NADK2: variants seen among roughly 807,000 people sequenced by gnomAD.
NADK2 encodes the protein NAD kinase domain-containing protein 1, mitochondrial.
A neutral mutation model predicts 62.1 loss-of-function variants in NADK2; 35 were observed. That is an observed-to-expected ratio of 0.56 (90% CI 0.43 to 0.75). The LOEUF (loss-of-function observed/expected upper bound fraction) is 0.75. Ranked by LOEUF, NADK2 falls within the 30% of genes least tolerant of loss-of-function variation. The probability of loss-of-function intolerance (pLI) is 0.00; values close to 1 mark genes in which losing one functional copy is unlikely to be tolerated. For missense variants in NADK2, 439 were observed against 561.3 expected, an observed-to-expected ratio of 0.78 and a Z score of 2.20; for synonymous variants, 205 against 207.9, an observed-to-expected ratio of 0.99 and a Z score of 0.12.
At chr5:36,209,427 C>G (rs933955984) in intron 7 of NADK2, among the ~76,000 whole-genome samples, 5 of 152,106 alleles carry the variant, frequency 3.3e-5, no homozygotes, top group African/African-American at 1.2e-4. Flanking sequence ...CTTTAAAATA[C>G]ACAAACAGAA....
rs1579628491 is a variant in NADK2, at chr5:36,225,592, T to C, written c.510A>G (p.Lys170=). The C allele has an allele frequency of 3.7e-6, 6 of 1,613,892 alleles. No homozygotes were observed. The highest frequency in any genetic ancestry group is 4.5e-5 in the East Asian group (2 of 44,874). The change falls in exon 4 of 12, where the codon AAA becomes AAG. Residue 170 remains lysine, a synonymous_variant. Coordinates refer to ENST00000381937, the MANE Select transcript of NADK2 (RefSeq NM_001085411.3). ...TAACTGGTTTAAGTCTGTCCAAGAC[T>C]TTACTCGCTGCCAGCAGCATTGTGC... The part of the protein sequence containing the change: ...GDGTMLLAAS[K]VLDRLKPVIG...
Position 36,195,252 on chromosome 5 carries a change from G to A in NADK2, c.1221C>T (p.Ala407=). 1 of 1,611,488 alleles carries A rather than the reference G, an allele frequency of 6.2e-7. No homozygotes were observed. The highest frequency in any genetic ancestry group is 8.5e-7 in the Non-Finnish European group (1 of 1,178,978). The change falls in exon 12 of 12, where the codon GCC becomes GCT. Residue 407 remains alanine, a synonymous_variant. Transcript: ENST00000381937. ...KVCVRSRCWD[A]CMVVDGGTSF... ...AAGTTCCTCCATCCACAACCATACA[G>A]GCATCCCAACAACGAGAACGAACAC...
chr5:36,228,056 T>C (rs1747550822), intron 1 of NADK2, among the ~76,000 whole-genome samples: 1 of 152,154 alleles, frequency 6.6e-6, no homozygotes, highest in African/African-American at 2.4e-5. Flanking sequence ...TTTGTTCCAC[T>C]TGGATTTGCT....
chr5:36,221,798 C>A (rs1747279884), intron 4 of NADK2: 1 of 152,154 alleles, frequency 6.6e-6, no homozygotes, highest in Non-Finnish European at 1.5e-5. Context: ...CATATGATCA[C>A]TAAAGTGATC....
At position 36,228,188 on chromosome 5, in the gene NADK2, T is replaced by A. The variant is rs185545395; in HGVS notation, c.301-623A>T. 2.7e-3 allele frequency among the ~76,000 whole-genome samples: 414 copies of A among 152,296 alleles called. 2 individuals carry two copies. The highest frequency in any genetic ancestry group is 9.6e-3 in the African/African-American group (400 of 41,556). On this transcript the variant is annotated intron_variant, in intron 1 of 11. Coordinates refer to ENST00000381937, the MANE Select transcript of NADK2 (RefSeq NM_001085411.3). The stretch of plus-strand genomic sequence containing the variant: ...TATACATATATCCTTCAAAAATTAT[T>A]TTTCCTAGTTGGAGTAACATTTTAT...
chr5:36,206,782 C>T lies in NADK2; in HGVS notation c.956+388G>A, dbSNP rs74517158. 9.6e-3 allele frequency among the ~76,000 whole-genome samples: 1,456 copies of T among 152,196 alleles called. 11 individuals carry two copies. Among genetic ancestry groups the T allele is most frequent in the Non-Finnish European group, 0.016 (1,082 of 67,998 alleles). ...ACCCAGAGGGAGATTATAGAGTAAACAGGACATAGGGATGCACCAGGTTAT... is the reference window on the plus strand; with the variant it reads ...ACCCAGAGGGAGATTATAGAGTAAATAGGACATAGGGATGCACCAGGTTAT... On this transcript the variant is annotated intron_variant, in intron 8 of 11. Transcript: ENST00000381937.
intron 1 of NADK2, among the ~76,000 whole-genome samples, chr5:36,230,851 T>G (rs948233309): frequency 6.6e-6 from 1 of 152,238 alleles, no homozygotes; most frequent in African/African-American, 2.4e-5. Context: ...TAACTACTAG[T>G]TGAACTTAAT....
intron 11 of NADK2, among the ~76,000 whole-genome samples, chr5:36,196,677 T>G (rs1221506983): frequency 6.6e-6 from 1 of 152,150 alleles, no homozygotes; most frequent in East Asian, 1.9e-4. Context: ...TATGACATGT[T>G]TAAGAAATCT....
intron 6 of NADK2, chr5:36,213,238 G>A (rs1048862380): frequency 6.6e-6 from 1 of 152,106 alleles, no homozygotes; most frequent in African/African-American, 2.4e-5. Context: ...TATAATCTGT[G>A]TGAGGTCATA....
At chr5:36,220,189 A>G (rs1383000175) in intron 4 of NADK2, among the ~76,000 whole-genome samples, 1 of 152,258 alleles carries the variant, frequency 6.6e-6, no homozygotes, top group East Asian at 1.9e-4. Context: ...CTGAAATGTC[A>G]TTTAAGATAT....
At position 36,241,697 on chromosome 5, in the gene NADK2, C is replaced by A. The variant is rs943197159; in HGVS notation, c.102G>T (p.Arg34=). The change falls in exon 1 of 12, where the codon CGG becomes CGT. Residue 34 remains arginine, a synonymous_variant. Coordinates refer to ENST00000381937, the MANE Select transcript of NADK2 (RefSeq NM_001085411.3). The surrounding 1 kb of genome is among the most constrained non-coding windows in gnomAD (Gnocchi z 4.9). Reference sequence around the variant, plus strand: ...CGCCACCGTCACCGCCCAGCCGGGGCCGCGCGGCGGGGCCTCCCGCACCCG... The same window carrying A: ...CGCCACCGTCACCGCCCAGCCGGGGACGCGCGGCGGGGCCTCCCGCACCCG... ...RGPGAGGPAA[R]PRLGGDGGGR... The A allele has an allele frequency of 9.7e-6, 11 of 1,135,192 alleles. No homozygotes were observed. The highest frequency in any genetic ancestry group is 1.2e-5 in the Non-Finnish European group (11 of 929,882). 70.3% of individuals were successfully genotyped at this position (1,135,192 alleles called of 1,614,324 possible).
rs972443346 is a variant in NADK2, at chr5:36,193,043, ATAAG to A, written c.*2097_*2100del. The A allele has an allele frequency of 6.6e-6, 1 of 152,220 alleles. No homozygotes were observed. Among genetic ancestry groups the A allele is most frequent in the African/African-American group, 2.4e-5 (1 of 41,458 alleles). The allele number at this position is 152,220 out of a possible 1,614,324, so 9.4% of individuals were successfully genotyped here. On this transcript the variant is annotated 3_prime_UTR_variant, in exon 12 of 12. Transcript: ENST00000381937. ...GAAATTATATCACAAATGGAGCACA[ATAAG>A]TATTTTTAAAACCTTTTAAAATATG... is the stretch of plus-strand genomic sequence containing the variant.
chr5:36,219,512 G>C, intron 5 of NADK2, 84 bp downstream of exon 5: 1 of 1,257,982 alleles, frequency 7.9e-7, no homozygotes, highest in Non-Finnish European at 1.2e-6. Context: ...TGCCCTGCCT[G>C]ATTTGTTCTG....
At chr5:36,221,104 C>CTAGG (rs1747250995) in intron 4 of NADK2, 1 of 152,210 alleles carries the variant, frequency 6.6e-6, no homozygotes, top group Non-Finnish European at 1.5e-5. Context: ...TACCTAAATA[C>CTAGG]TAGGAAGCTA....
intron 5 of NADK2, 62 bp downstream of exon 5, chr5:36,219,534 C>T: frequency 7.1e-7 from 1 of 1,415,504 alleles, no homozygotes; most frequent in Non-Finnish European, 1.0e-6. Context: ...TTTTTAACAG[C>T]ATTATTAATG....
At chr5:36,219,989 GTACAGTGTTGTTCAAATCATTATTT>G (rs1209887639) in intron 4 of NADK2, among the ~76,000 whole-genome samples, 2 of 152,090 alleles carry the variant, frequency 1.3e-5, no homozygotes, top group Non-Finnish European at 2.9e-5. Context: ...TTATTTAATG[GTACAGTGTTGTTCAAATCATTATTT>G]AACTACTAAC....
chr5:36,211,744 A>T, intron 7 of NADK2, 100 bp downstream of exon 7: 1 of 1,007,844 alleles, frequency 9.9e-7, no homozygotes, highest in Non-Finnish European at 1.5e-6. Context: ...TACTTGCAAA[A>T]TATTATTCAC....
intron 11 of NADK2, among the ~76,000 whole-genome samples, chr5:36,197,225 G>A (rs1746262655): frequency 6.6e-6 from 1 of 151,844 alleles, no homozygotes; most frequent in South Asian, 2.1e-4. Flanking sequence ...AAAAGAAGGG[G>A]CTTTCTATTC....
chr5:36,235,493 A>T (rs1431702367), intron 1 of NADK2, among the ~76,000 whole-genome samples: 2 of 152,200 alleles, frequency 1.3e-5, no homozygotes, highest in Non-Finnish European at 2.9e-5. Flanking sequence ...TCAAAGCCAA[A>T]GAGACTGATT....
Sources: allele counts gnomAD v4.1 joint callset (sites outside exome capture counted in the v4.1 genomes callset), GRCh38; gene constraint gnomAD v4.1.1; non-coding constraint Gnocchi (gnomAD v3.1); transcripts MANE v1.5; gene names NCBI Gene and HGNC (gene_info 2026-07-23, HGNC 2026-07-21).